DENND5A: variants seen among roughly 807,000 people sequenced by gnomAD.
DENND5A encodes the protein DENN domain containing 5A.
A neutral mutation model predicts 140.3 loss-of-function variants in DENND5A; 64 were observed. That is an observed-to-expected ratio of 0.46 (90% CI 0.37 to 0.56). The LOEUF (loss-of-function observed/expected upper bound fraction) is 0.56. Among genes scored for constraint, DENND5A ranks in the 20% least tolerant of loss-of-function variants. The pLI is 0.00. For missense variants in DENND5A, 1,292 were observed against 1,593.8 expected (o/e 0.81, Z 3.22); for synonymous variants, 605 against 607.7 (o/e 1.00, Z 0.07).
intron 1 of DENND5A, among the ~76,000 whole-genome samples, chr11:9,262,381 A>G (rs1410664464): frequency 6.6e-6 from 1 of 152,218 alleles, no homozygotes; most frequent in Non-Finnish European, 1.5e-5. Flanking sequence ...ACGCATAAAA[A>G]AAAGTTTATT....
chr11:9,233,950 G>A (rs918090111), intron 1 of DENND5A, among the ~76,000 whole-genome samples: 6 of 152,094 alleles, frequency 3.9e-5, no homozygotes, highest in Non-Finnish European at 7.4e-5. Context: ...GGCCGAGGTG[G>A]GTGGATCACT....
chr11:9,225,902 T>G (rs1435401605), intron 1 of DENND5A, among the ~76,000 whole-genome samples: 2 of 152,286 alleles, frequency 1.3e-5, no homozygotes, highest in Non-Finnish European at 1.5e-5. Context: ...CTGGACAACA[T>G]AGCAAGACCC....
At chr11:9,155,143 C>T (rs1024557551) in intron 12 of DENND5A, among the ~76,000 whole-genome samples, 27 of 148,950 alleles carry the variant, frequency 1.8e-4, no homozygotes, top group African/African-American at 6.7e-4. Context: ...GGTGAGACTC[C>T]ATTTAAAAAA....
intron 14 of DENND5A, 63 bp downstream of exon 14, chr11:9,150,617 G>A (rs1057401959): frequency 1.6e-5 from 19 of 1,171,602 alleles, no homozygotes; most frequent in Admixed American, 4.1e-5. Flanking sequence ...ACTAAAAGTG[G>A]ACACCTAAGC....
intron 1 of DENND5A, among the ~76,000 whole-genome samples, chr11:9,256,488 A>G (rs1429441627): frequency 2.0e-5 from 3 of 152,150 alleles, no homozygotes; most frequent in African/African-American, 7.2e-5. Flanking sequence ...AAACAATCCA[A>G]TGTCCTTCCA....
At chr11:9,144,398 A>T in intron 18 of DENND5A, 120 bp from the exon 19 acceptor site, 1 of 955,696 alleles carries the variant, frequency 1.0e-6, no homozygotes, top group African/African-American at 1.7e-5. Flanking sequence ...GACTCCTTCA[A>T]TGCTCTGCTG....
At chr11:9,260,550 A>T (rs1239950649) in intron 1 of DENND5A, among the ~76,000 whole-genome samples, 1 of 151,532 alleles carries the variant, frequency 6.6e-6, no homozygotes, top group Non-Finnish European at 1.5e-5. Context: ...CTAACTGACA[A>T]GTTCAAAAAG....
At chr11:9,206,830 G>A in intron 2 of DENND5A, 48 bp from the exon 3 acceptor site, 1 of 1,366,508 alleles carries the variant, frequency 7.3e-7, no homozygotes, top group Non-Finnish European at 1.0e-6. Context: ...ATCCCTTTAA[G>A]TCACAGGGTT....
intron 1 of DENND5A, among the ~76,000 whole-genome samples, chr11:9,264,172 C>T (rs1257145778): frequency 2.0e-5 from 3 of 152,152 alleles, no homozygotes; most frequent in Non-Finnish European, 1.5e-5. Context: ...ATTTTCACGG[C>T]CTTCTGCAGT....
In DENND5A at chr11:9,265,147, T is replaced by A; in HGVS notation, c.-78A>T. ...AACCCGGGCGCCCGCCCGTCCGCCC[T>A]CAGGCCGCCCCTCCCGCCGCCGCCG... On this transcript the variant is annotated 5_prime_UTR_variant, in exon 1 of 23. Transcript: ENST00000328194. This position sits in a 1 kb window ranked among gnomAD's most constrained non-coding sequence, Gnocchi z 4.7. 1.2e-6 allele frequency: 1 copy of A among 847,684 alleles called. No homozygotes were observed. The highest frequency in any genetic ancestry group is 5.4e-5 in the South Asian group (1 of 18,400). 52.5% of individuals were successfully genotyped at this position (847,684 alleles called of 1,614,324 possible). A position where few individuals can be genotyped will look rare whatever the true frequency, so the allele number is the denominator to read the frequency against.
intron 1 of DENND5A, among the ~76,000 whole-genome samples, chr11:9,235,131 T>C (rs1850947310): frequency 6.6e-6 from 1 of 152,164 alleles, no homozygotes; most frequent in African/African-American, 2.4e-5. Flanking sequence ...TCAATTCCAT[T>C]CTTGGATATA....
chr11:9,199,254 T>C (rs1849445106), intron 4 of DENND5A, among the ~76,000 whole-genome samples: 1 of 151,954 alleles, frequency 6.6e-6, no homozygotes, highest in South Asian at 2.1e-4. Context: ...TCCCAGCACT[T>C]TGGGAGGCCA....
rs950972582 is a variant in DENND5A at position 9,139,364 on chromosome 11, C to G, written c.*307G>C. 5.7e-6 allele frequency: 2 copies of G among 351,470 alleles called. No homozygotes were observed. Among genetic ancestry groups the G allele is most frequent in the African/African-American group, 4.1e-5 (2 of 48,568 alleles). The allele number at this position is 351,470 out of a possible 1,614,324, so 21.8% of individuals were successfully genotyped here. ...ACTGTCCCGCACGCAGTGCCACAGG[C>G]TCAGTCCAGGGAGGCCTCAGGCTTC... On this transcript the variant is annotated 3_prime_UTR_variant, in exon 23 of 23. Transcript: ENST00000328194.
intron 22 of DENND5A, chr11:9,140,222 A>G (rs1251681928): frequency 7.6e-7 from 1 of 1,318,720 alleles, no homozygotes; most frequent in Admixed American, 2.2e-5. Context: ...TGGCACTGAC[A>G]TAAGAGATTT....
At chr11:9,171,128 AC>A in intron 8 of DENND5A, 1 of 228,760 alleles carries the variant, frequency 4.4e-6, no homozygotes, top group South Asian at 7.4e-5. Flanking sequence ...AGTTAAGGAG[AC>A]CAAGGTGGCT....
At chr11:9,260,484 T>C (rs1285273510) in intron 1 of DENND5A, among the ~76,000 whole-genome samples, 2 of 152,110 alleles carry the variant, frequency 1.3e-5, no homozygotes, top group African/African-American at 4.8e-5. Context: ...CCACTTACGA[T>C]GTGCCAAAAA....
chr11:9,202,787 C>T (rs1564912705), intron 4 of DENND5A, among the ~76,000 whole-genome samples: 1 of 152,146 alleles, frequency 6.6e-6, no homozygotes, highest in Non-Finnish European at 1.5e-5. Flanking sequence ...ACCGTTTATA[C>T]TTCCTGTGCC....
chr11:9,187,363 T>C (rs1331867877), intron 5 of DENND5A, among the ~76,000 whole-genome samples: 2 of 152,166 alleles, frequency 1.3e-5, no homozygotes, highest in African/African-American at 4.8e-5. Context: ...AGTTTTCCTC[T>C]GTTAACCTCC....
chr11:9,218,676 C>T (rs1850191540), intron 1 of DENND5A, among the ~76,000 whole-genome samples: 2 of 152,122 alleles, frequency 1.3e-5, no homozygotes, highest in Admixed American at 6.6e-5. Context: ...TGTCACTGCA[C>T]TCCAGCTGGG....
Sources: allele counts gnomAD v4.1 joint callset (sites outside exome capture counted in the v4.1 genomes callset), GRCh38; gene constraint gnomAD v4.1.1; non-coding constraint Gnocchi (gnomAD v3.1); transcripts MANE v1.5; gene names NCBI Gene and HGNC (gene_info 2026-07-23, HGNC 2026-07-21).